Variants in ZFYVE28 observed in about 807,000 individuals in gnomAD.
ZFYVE28 encodes the protein zinc finger FYVE-type containing 28, also known as lateral signaling target protein 2 homolog.
In ZFYVE28, 40 loss-of-function variants were observed where a neutral mutation model predicts 82.1. The ratio of observed to expected loss-of-function variants is 0.49; its 90% CI spans 0.38 to 0.63. ZFYVE28 has a LOEUF of 0.63. Among genes scored for constraint, ZFYVE28 ranks in the 30% least tolerant of loss-of-function variants. The pLI is 0.00. For missense variants in ZFYVE28, 1,321 were observed against 1,242.1 expected (o/e 1.06, Z -0.96); for synonymous variants, 612 against 546.1 (o/e 1.12, Z -1.68).
intron 1 of ZFYVE28, among the ~76,000 whole-genome samples, chr4:2,360,389 TCACACACACACACACA>T (rs10545681): frequency 7.0e-6 from 1 of 143,290 alleles, no homozygotes; most frequent in Non-Finnish European, 1.5e-5. Flanking sequence ...AGAGCTGTAA[TCACACACACACACACA>T]CACACACACA....
intron 2 of ZFYVE28, among the ~76,000 whole-genome samples, chr4:2,342,080 T>C (rs1200584413): frequency 2.0e-5 from 3 of 152,206 alleles, no homozygotes; most frequent in African/African-American, 4.8e-5. Flanking sequence ...TCGTCTTCCC[T>C]GAAGCTCAGT....
intron 1 of ZFYVE28, among the ~76,000 whole-genome samples, chr4:2,386,132 T>G (rs1490504756): frequency 6.6e-6 from 1 of 152,170 alleles, no homozygotes; most frequent in Non-Finnish European, 1.5e-5. Flanking sequence ...GACAGGGCTA[T>G]GGTTTGAATG....
Position 2,416,642 on chromosome 4 carries a change from G to C in ZFYVE28, c.39+1643C>G, listed in dbSNP as rs1733068799. Among the ~76,000 whole-genome samples, 1 of 152,322 alleles carries C rather than the reference G, an allele frequency of 6.6e-6. No individual in the cohort carries two copies. The highest frequency in any genetic ancestry group is 2.1e-4 in the South Asian group (1 of 4,824). On this transcript the variant is annotated intron_variant, in intron 1 of 12. Transcript: ENST00000290974. This position sits in a 1 kb window ranked among gnomAD's most constrained non-coding sequence, Gnocchi z 4.6. ...TGGGGGCAGCAGGCAGGACCGAGAG[G>C]GGCTCGAAGGCGCCGCAGGAGGAGA...
At chr4:2,273,110 C>A in intron 10 of ZFYVE28, 63 bp downstream of exon 10, 1 of 1,374,362 alleles carries the variant, frequency 7.3e-7, no homozygotes, top group Non-Finnish European at 1.0e-6. Context: ...GAGCACCCCT[C>A]CCTGTGGGCA....
chr4:2,317,621 G>A (rs1207344373), intron 7 of ZFYVE28, among the ~76,000 whole-genome samples: 2 of 152,082 alleles, frequency 1.3e-5, no homozygotes, highest in East Asian at 3.9e-4. Context: ...TGTGCTCACG[G>A]CATGCTTTTT....
chr4:2,412,308 G>T (rs998939151), intron 1 of ZFYVE28, among the ~76,000 whole-genome samples: 4 of 152,282 alleles, frequency 2.6e-5, no homozygotes, highest in African/African-American at 9.6e-5. Flanking sequence ...GTAGCTAAAC[G>T]TTGGTTCTGT....
intron 1 of ZFYVE28, chr4:2,364,925 GC>G (rs1726679495): frequency 1.0e-6 from 1 of 984,640 alleles, no homozygotes. Flanking sequence ...GGAGGCGGGG[GC>G]GGGGCCCAGC....
Position 2,270,584 on chromosome 4 carries a change from G to A in ZFYVE28, c.*141C>T. On this transcript the variant is annotated 3_prime_UTR_variant, in exon 13 of 13. Coordinates refer to ENST00000290974, the MANE Select transcript of ZFYVE28 (RefSeq NM_020972.3). ...GGAGGCTAGCGTGGGCAGGACAGAG[G>A]CTCTGGATGCTCTGGAGGTCTGGGT... 7.9e-7 allele frequency: 1 copy of A among 1,267,638 alleles called. No individual in the cohort carries two copies. Among genetic ancestry groups the A allele is most frequent in the Non-Finnish European group, 1.1e-6 (1 of 908,042 alleles). The allele number at this position is 1,267,638 out of a possible 1,614,324, so 78.5% of individuals were successfully genotyped here.
chr4:2,324,079 G>C (rs1375455932), intron 6 of ZFYVE28, among the ~76,000 whole-genome samples: 2 of 152,132 alleles, frequency 1.3e-5, no homozygotes, highest in Admixed American at 6.5e-5. Flanking sequence ...AAGTTCTCTA[G>C]AGAAACAGAA....
intron 7 of ZFYVE28, among the ~76,000 whole-genome samples, chr4:2,306,540 AT>A (rs971625747): frequency 6.6e-6 from 1 of 152,006 alleles, no homozygotes; most frequent in African/African-American, 2.4e-5. Flanking sequence ...TTGTGGCAGG[AT>A]TTGTTTGCTG....
chr4:2,305,316 G>T lies in ZFYVE28; in HGVS notation c.1024C>A (p.Leu342Met). ...ACSMQYDDQELEQLSRMVHRA... is the reference protein window; with the variant it reads ...ACSMQYDDQEMEQLSRMVHRA... ...TGGACCATGCGGCTGAGCTGCTCCA[G>T]CTCCTGGTCGTCGTACTGCATGGAG... Residue 342 changes from leucine to methionine, a missense_variant, in exon 8 of 13, where the codon CTG becomes ATG. This residue lies in a region of ZFYVE28 where 978 missense variants were observed against 833.7 expected (regional missense o/e 1.17). Coordinates refer to ENST00000290974, the MANE Select transcript of ZFYVE28 (RefSeq NM_020972.3). 2 of 1,612,816 alleles carry T rather than the reference G, an allele frequency of 1.2e-6. No individual in the cohort carries two copies. The highest frequency in any genetic ancestry group is 1.7e-4 in the Middle Eastern group (1 of 6,060).
At chr4:2,297,249 G>A (rs928497601) in intron 8 of ZFYVE28, among the ~76,000 whole-genome samples, 5 of 152,220 alleles carry the variant, frequency 3.3e-5, no homozygotes, top group African/African-American at 1.2e-4. Context: ...GGCCTGGAGG[G>A]GCCCAGGAGG....
intron 1 of ZFYVE28, among the ~76,000 whole-genome samples, chr4:2,364,267 C>T (rs1243572967): frequency 1.3e-5 from 2 of 152,190 alleles, no homozygotes; most frequent in Admixed American, 1.3e-4. Flanking sequence ...TGCTGAGCCC[C>T]CAGTCCCACC....
In ZFYVE28 at chr4:2,304,369, A is replaced by G. The variant is rs541650023; in HGVS notation, c.1971T>C (p.Gly657=). ...SGLQGEAGVA[G]QQEPEARELH... ...GCTCTCTGGCCTCTGGCTCCTGCTG[A>G]CCTGCAACCCCAGCCTCTCCTTGCA... is the stretch of plus-strand genomic sequence containing the variant. Residue 657 remains glycine (G), a synonymous_variant, in exon 8 of 13, where the codon GGT becomes GGC. Transcript: ENST00000290974. 2 of 1,611,046 alleles carry G rather than the reference A, an allele frequency of 1.2e-6. No homozygotes were observed. The highest frequency in any genetic ancestry group is 2.2e-5 in the South Asian group (2 of 91,086).
At chr4:2,402,210 G>T (rs1413622144) in intron 1 of ZFYVE28, among the ~76,000 whole-genome samples, 3 of 152,228 alleles carry the variant, frequency 2.0e-5, no homozygotes, top group African/African-American at 4.8e-5. Context: ...CAGCGCTGCA[G>T]CTGGGAGCTC....
At chr4:2,342,350 C>A (rs774592948) in intron 2 of ZFYVE28, among the ~76,000 whole-genome samples, 51 of 152,226 alleles carry the variant, frequency 3.4e-4, no homozygotes, top group Non-Finnish European at 5.9e-4. Context: ...CCTCTCTGAT[C>A]AGCCAGGTCC....
intron 1 of ZFYVE28, among the ~76,000 whole-genome samples, chr4:2,367,846 C>T (rs112792054): frequency 2.0e-5 from 3 of 152,326 alleles, no homozygotes; most frequent in African/African-American, 7.2e-5. Flanking sequence ...CTTGAAGGAC[C>T]TAACGGACTT....
At chr4:2,271,244 A>T in intron 12 of ZFYVE28, 67 bp downstream of exon 12, 1 of 1,502,760 alleles carries the variant, frequency 6.7e-7, no homozygotes, top group Non-Finnish European at 9.1e-7. Context: ...TGACTTCCAG[A>T]CCTCAGGCTC....
At chr4:2,329,317 C>T (rs1389027577) in intron 6 of ZFYVE28, among the ~76,000 whole-genome samples, 1 of 152,180 alleles carries the variant, frequency 6.6e-6, no homozygotes, top group Non-Finnish European at 1.5e-5. Context: ...TTTTCAGCAT[C>T]CATGCCTTTC....
Sources: allele counts gnomAD v4.1 joint callset (sites outside exome capture counted in the v4.1 genomes callset), GRCh38; gene constraint gnomAD v4.1.1; regional missense constraint gnomAD v4.1.1; non-coding constraint Gnocchi (gnomAD v3.1); transcripts MANE v1.5; gene names NCBI Gene and HGNC (gene_info 2026-07-23, HGNC 2026-07-21).